CYBRD1: variants seen among roughly 807,000 people sequenced by gnomAD.
CYBRD1 encodes plasma membrane ascorbate-dependent reductase CYBRD1.
In CYBRD1, 14 loss-of-function variants were observed where a neutral mutation model predicts 21.9. The ratio of observed to expected loss-of-function variants is 0.64; its 90% confidence interval spans 0.42 to 1.00. CYBRD1 has a LOEUF of 1.00. CYBRD1 is among the 50% of genes least tolerant of loss of function. The probability of loss-of-function intolerance (pLI) is 0.00; values close to 1 mark genes in which losing one functional copy is unlikely to be tolerated. For missense variants in CYBRD1, 328 were observed against 352.5 expected, an observed-to-expected ratio of 0.93 and a Z score of 0.56; for synonymous variants, 146 against 136.5, an observed-to-expected ratio of 1.07 and a Z score of -0.48.
At chr2:171,542,450 G>C (rs570110173) in intron 2 of CYBRD1, among the ~76,000 whole-genome samples, 49 of 152,228 alleles carry the variant, frequency 3.2e-4, no homozygotes, top group Middle Eastern at 3.4e-3. Context: ...CGAAGTTCAA[G>C]ACCAGACTGG....
chr2:171,545,541 G>A (rs1697699190), intron 2 of CYBRD1, among the ~76,000 whole-genome samples: 1 of 145,214 alleles, frequency 6.9e-6, no homozygotes, highest in African/African-American at 2.5e-5. Context: ...ACAACATGTG[G>A]CTAATTTTTT....
At chr2:171,541,451 T>C in intron 1 of CYBRD1, 134 bp from the exon 2 acceptor site, 2 of 805,102 alleles carry the variant, frequency 2.5e-6, no homozygotes, top group Non-Finnish European at 4.1e-6. Flanking sequence ...AGGGGTAACA[T>C]GGGGAAGAGG....
chr2:171,554,300 A>G (rs1022674428), intron 3 of CYBRD1, among the ~76,000 whole-genome samples: 1 of 152,154 alleles, frequency 6.6e-6, no homozygotes, highest in African/African-American at 2.4e-5. Context: ...CCTTAAAACA[A>G]GTGTTACAGA....
chr2:171,539,696 T>G (rs1437265802), intron 1 of CYBRD1: 1 of 151,786 alleles, frequency 6.6e-6, no homozygotes, highest in African/African-American at 2.4e-5. Flanking sequence ...CCAGGACACT[T>G]AAGACAACCC....
At chr2:171,537,206 G>T (rs764559195) in intron 1 of CYBRD1, among the ~76,000 whole-genome samples, 2 of 152,192 alleles carry the variant, frequency 1.3e-5, no homozygotes, top group Non-Finnish European at 2.9e-5. Flanking sequence ...GCCCAACACA[G>T]GCAAGGGGGA....
chr2:171,542,440 C>T lies in CYBRD1; in HGVS notation c.402+647C>T, dbSNP rs561741145. On this transcript the variant is annotated intron_variant, in intron 2 of 3. Coordinates refer to ENST00000321348, the MANE Select transcript of CYBRD1 (RefSeq NM_024843.4). ...CGAGGTGGGAGGATCATTTGAGCTC[C>T]GAAGTTCAAGACCAGACTGGGCAAC... Among the ~76,000 whole-genome samples the T allele has an allele frequency of 3.9e-5, 6 of 151,916 alleles. No individual in the cohort carries two copies. In the East Asian group the frequency reaches 5.8e-4, roughly 15 times the overall value.
At chr2:171,552,002 A>C (rs1481010434) in intron 2 of CYBRD1, among the ~76,000 whole-genome samples, 3 of 152,160 alleles carry the variant, frequency 2.0e-5, no homozygotes, top group African/African-American at 7.2e-5. Context: ...GCTGAATAGG[A>C]ATAGGTGATA....
chr2:171,540,771 A>ATTTTT (rs1697617086), intron 1 of CYBRD1: 2 of 47,332 alleles, frequency 4.2e-5, no homozygotes, highest in African/African-American at 1.1e-4. Flanking sequence ...TCAAACTAAG[A>ATTTTT]CTTTTTTTTT....
chr2:171,540,085 A>C lies in CYBRD1; in HGVS notation c.194-1500A>C, dbSNP rs114031385. On this transcript the variant is annotated intron_variant, in intron 1 of 3. Coordinates refer to ENST00000321348, the MANE Select transcript of CYBRD1 (RefSeq NM_024843.4). ...ATGCAGAATGATGAATCTTCTGTCTATGACACCTGTGAAACCAGCACCTAG... is the reference window on the plus strand; with the variant it reads ...ATGCAGAATGATGAATCTTCTGTCTCTGACACCTGTGAAACCAGCACCTAG... Among the ~76,000 whole-genome samples the C allele has an allele frequency of 8.9e-3, 1,360 of 152,282 alleles. 21 individuals carry two copies. Among genetic ancestry groups the C allele is most frequent in the African/African-American group, 0.027 (1,142 of 41,548 alleles).
rs1024709487 is a variant in CYBRD1, at chr2:171,541,504, G to A, written c.194-81G>A. The A allele has an allele frequency of 2.2e-4, 302 of 1,360,118 alleles. 3 individuals are homozygous for A. The East Asian group carries it at 6.9e-3, about 31-fold the overall frequency. 84.3% of individuals were successfully genotyped at this position (1,360,118 alleles called of 1,614,324 possible). ...GGGAAAAAGGTTTCAAAAAGGGAGT[G>A]TCCAGTGTGTCAAACTGTTCATTTT... On this transcript the variant is annotated intron_variant, in intron 1 of 3. Transcript: ENST00000321348.
intron 1 of CYBRD1, among the ~76,000 whole-genome samples, chr2:171,538,658 A>T (rs1351729902): frequency 1.3e-5 from 2 of 152,186 alleles, no homozygotes; most frequent in Non-Finnish European, 2.9e-5. Flanking sequence ...GGAACCAAAG[A>T]ATAGGAAAAA....
intron 1 of CYBRD1, among the ~76,000 whole-genome samples, chr2:171,533,170 G>C (rs1046612010): frequency 6.6e-6 from 1 of 151,484 alleles, no homozygotes; most frequent in African/African-American, 2.4e-5. Context: ...AGTTCGAGAC[G>C]AGCCTGGCCA....
chr2:171,552,802 A>G (rs114494551), intron 2 of CYBRD1, among the ~76,000 whole-genome samples: 11 of 152,352 alleles, frequency 7.2e-5, no homozygotes, highest in Non-Finnish European at 1.3e-4. Context: ...ACAAAAATCA[A>G]CTTCATTCCA....
chr2:171,541,538 TA>T (rs770791407), intron 1 of CYBRD1, 46 bp from the exon 2 acceptor site: 1 of 1,587,666 alleles, frequency 6.3e-7, no homozygotes, highest in Admixed American at 1.7e-5. Context: ...TTGTGTTGTT[TA>T]AAAAACAAAA....
In CYBRD1 at chr2:171,545,454, C is replaced by T. The variant is rs561463220; in HGVS notation, c.402+3661C>T. ...AGTGCAGTGCTGCCACCTTGGCTCACTGCAACACCTGCCTCCTAGGCTCAA... is the reference window on the plus strand; with the variant it reads ...AGTGCAGTGCTGCCACCTTGGCTCATTGCAACACCTGCCTCCTAGGCTCAA... On this transcript the variant is annotated intron_variant, in intron 2 of 3. Transcript: ENST00000321348. 5.4e-5 allele frequency among the ~76,000 whole-genome samples: 8 copies of T among 148,450 alleles called. No homozygotes were observed. The South Asian group carries it at 8.5e-4, about 16-fold the overall frequency.
chr2:171,528,868 T>A (rs1697422744), intron 1 of CYBRD1, among the ~76,000 whole-genome samples: 1 of 152,232 alleles, frequency 6.6e-6, no homozygotes, highest in Non-Finnish European at 1.5e-5. Context: ...AATTATGCAG[T>A]CATCTGTGAT....
At chr2:171,527,429 C>A (rs1308570734) in intron 1 of CYBRD1, among the ~76,000 whole-genome samples, 2 of 152,198 alleles carry the variant, frequency 1.3e-5, no homozygotes, top group Non-Finnish European at 2.9e-5. Context: ...TCTGTACCAT[C>A]ATTGAATTGT....
intron 2 of CYBRD1, among the ~76,000 whole-genome samples, chr2:171,542,217 C>A (rs1205426433): frequency 6.6e-6 from 1 of 152,098 alleles, no homozygotes; most frequent in African/African-American, 2.4e-5. Context: ...TAACTATTTT[C>A]CCCTCAGAGA....
chr2:171,524,811 G>C (rs1051420308), intron 1 of CYBRD1, among the ~76,000 whole-genome samples: 1 of 152,086 alleles, frequency 6.6e-6, no homozygotes, highest in Non-Finnish European at 1.5e-5. Context: ...TCCAATATAC[G>C]GTTTTCTAAA....
Sources: gnomAD v4.1 joint callset for allele counts (sites outside exome capture counted in the v4.1 genomes callset) on GRCh38, gnomAD v4.1.1 for gene constraint, MANE v1.5 for transcripts, NCBI Gene and HGNC (gene_info 2026-07-23, HGNC 2026-07-21) for gene names.